Variants in RBPMS observed in about 807,000 individuals in gnomAD.
RBPMS encodes the protein RNA-binding protein with multiple splicing.
RBPMS carries 7 observed loss-of-function variants against 26.8 expected under a neutral mutation model. That is an observed-to-expected ratio of 0.26 (90% confidence interval 0.15 to 0.49). The LOEUF is 0.49. Among genes scored for constraint, RBPMS ranks in the 20% least tolerant of loss-of-function variants. RBPMS has a pLI of 0.98. For synonymous variants in RBPMS, 96 were observed against 93.3 expected (o/e 1.03, Z -0.17); for missense variants, 186 against 250.0 (o/e 0.74, Z 1.73).
At chr8:30,460,096 G>A (rs1171714924) in intron 1 of RBPMS, among the ~76,000 whole-genome samples, 2 of 152,198 alleles carry the variant, frequency 1.3e-5, no homozygotes, top group Non-Finnish European at 2.9e-5. Flanking sequence ...AAACAAATAT[G>A]TCTTTGGTGG....
intron 1 of RBPMS, among the ~76,000 whole-genome samples, chr8:30,461,434 GC>G (rs1255081197): frequency 6.6e-6 from 1 of 152,068 alleles, no homozygotes; most frequent in Non-Finnish European, 1.5e-5. Context: ...TCGCCCTGTC[GC>G]CCAGGCTGGA....
chr8:30,492,835 T>C (rs1045340086), intron 4 of RBPMS, among the ~76,000 whole-genome samples: 2 of 152,220 alleles, frequency 1.3e-5, no homozygotes, highest in African/African-American at 4.8e-5. Flanking sequence ...ATTTTATTGT[T>C]GTTTTCTTTT....
chr8:30,417,464 A>T (rs1810228027), intron 1 of RBPMS, among the ~76,000 whole-genome samples: 1 of 152,216 alleles, frequency 6.6e-6, no homozygotes, highest in African/African-American at 2.4e-5. Flanking sequence ...AAAAAACATG[A>T]ATGTCATCAT....
intron 5 of RBPMS, among the ~76,000 whole-genome samples, chr8:30,525,846 C>G (rs1427344450): frequency 6.6e-6 from 1 of 152,190 alleles, no homozygotes; most frequent in Admixed American, 6.5e-5. Context: ...TAGCCCTGAC[C>G]AATTACTCTG....
chr8:30,453,353 G>T (rs993352181), intron 1 of RBPMS, among the ~76,000 whole-genome samples: 1 of 152,084 alleles, frequency 6.6e-6, no homozygotes, highest in African/African-American at 2.4e-5. Flanking sequence ...TGAAAATATG[G>T]ATGTGAATTG....
At chr8:30,485,576 G>A (rs532381335) in intron 4 of RBPMS, among the ~76,000 whole-genome samples, 1 of 152,354 alleles carries the variant, frequency 6.6e-6, no homozygotes, top group South Asian at 2.1e-4. Context: ...TCACAGGGTT[G>A]GGAACGAGGC....
intron 1 of RBPMS, among the ~76,000 whole-genome samples, chr8:30,453,303 A>G (rs1212171598): frequency 2.0e-5 from 3 of 152,202 alleles, no homozygotes; most frequent in African/African-American, 7.2e-5. Flanking sequence ...CCCACGTTAG[A>G]TCTACTAAAT....
intron 7 of RBPMS, among the ~76,000 whole-genome samples, chr8:30,559,871 A>G (rs1025080275): frequency 3.3e-5 from 5 of 152,210 alleles, no homozygotes; most frequent in South Asian, 2.1e-4. Context: ...GGAGACTTCT[A>G]TTGTAAGATA....
intron 1 of RBPMS, among the ~76,000 whole-genome samples, chr8:30,468,872 C>T (rs780054012): frequency 2.0e-5 from 3 of 151,114 alleles, no homozygotes; most frequent in Admixed American, 6.6e-5. Context: ...TGAATGTAGC[C>T]ATTAACACCA....
At chr8:30,425,764 C>T (rs987773174) in intron 1 of RBPMS, among the ~76,000 whole-genome samples, 12 of 152,062 alleles carry the variant, frequency 7.9e-5, no homozygotes, top group African/African-American at 7.2e-5. Context: ...GCACTTCCTA[C>T]GTCCCAGATA....
chr8:30,410,170 A>ACACACG, intron 1 of RBPMS, among the ~76,000 whole-genome samples: 1 of 151,124 alleles, frequency 6.6e-6, no homozygotes, highest in Non-Finnish European at 1.5e-5. Flanking sequence ...ACACACACAC[A>ACACACG]CACACACACA....
At chr8:30,498,420 A>G (rs1206914224) in intron 4 of RBPMS, among the ~76,000 whole-genome samples, 2 of 152,186 alleles carry the variant, frequency 1.3e-5, no homozygotes, top group African/African-American at 4.8e-5. Flanking sequence ...TTCACTTTTG[A>G]AATGGTAGAA....
chr8:30,556,265 G>C, intron 6 of RBPMS: 1 of 985,412 alleles, frequency 1.0e-6, no homozygotes, highest in Non-Finnish European at 1.2e-6. Flanking sequence ...GCCTCCCCTG[G>C]ACCCCACAGC....
intron 4 of RBPMS, among the ~76,000 whole-genome samples, chr8:30,481,537 CTCT>C (rs2150852905): frequency 6.6e-6 from 1 of 152,034 alleles, no homozygotes; most frequent in East Asian, 1.9e-4. Flanking sequence ...TTGCACTAGG[CTCT>C]CCATTCTTTT....
chr8:30,524,317 T>C (rs1256259410), intron 5 of RBPMS, among the ~76,000 whole-genome samples: 1 of 152,194 alleles, frequency 6.6e-6, no homozygotes, highest in Non-Finnish European at 1.5e-5. Flanking sequence ...AAATATTTTA[T>C]AATAATTTGC....
At chr8:30,421,223 G>C (rs1027167638) in intron 1 of RBPMS, among the ~76,000 whole-genome samples, 1 of 152,006 alleles carries the variant, frequency 6.6e-6, no homozygotes, top group Admixed American at 6.6e-5. Flanking sequence ...GAACCTTCTG[G>C]TTAGCAAACC....
At chr8:30,430,770 C>T (rs1046313741) in intron 1 of RBPMS, among the ~76,000 whole-genome samples, 1 of 152,164 alleles carries the variant, frequency 6.6e-6, no homozygotes, top group Non-Finnish European at 1.5e-5. Context: ...GTTATAGCCT[C>T]ATGTTCATTT....
At chr8:30,408,835 T>C (rs2150572227) in intron 1 of RBPMS, among the ~76,000 whole-genome samples, 1 of 152,316 alleles carries the variant, frequency 6.6e-6, no homozygotes, top group East Asian at 1.9e-4. Flanking sequence ...AAATCCCAAA[T>C]TCATTAACCA....
intron 1 of RBPMS, among the ~76,000 whole-genome samples, chr8:30,432,469 T>C (rs1812043061): frequency 6.6e-6 from 1 of 152,238 alleles, no homozygotes; most frequent in African/African-American, 2.4e-5. Flanking sequence ...CTTGAGGATG[T>C]TGGTGCCAAA....
Sources: allele counts gnomAD v4.1 joint callset (sites outside exome capture counted in the v4.1 genomes callset), GRCh38; gene constraint gnomAD v4.1.1; transcripts MANE v1.5; gene names NCBI Gene and HGNC (gene_info 2026-07-23, HGNC 2026-07-21).